The following MED23 variants were observed in gnomAD, a reference collection of about 807,000 sequenced individuals.
The protein encoded by MED23 is mediator complex subunit 23.
A neutral mutation model predicts 163.9 loss-of-function variants in MED23; 105 were observed. That is an observed-to-expected ratio of 0.64 (90% CI 0.55 to 0.75). The LOEUF (loss-of-function observed/expected upper bound fraction) is 0.75, where lower values mean the gene tolerates loss of function less well. MED23 is among the 30% of genes least tolerant of loss of function. The pLI, the probability that MED23 is intolerant of heterozygous loss-of-function variation, is 0.00. For synonymous variants in MED23, 561 were observed against 565.6 expected (o/e 0.99, Z 0.12); for missense variants, 1,054 against 1,649.0 (o/e 0.64, Z 6.25).
chr6:131,585,242 G>T (rs79926878), downstream of MED23, among the ~76,000 whole-genome samples: 1,155 of 152,136 alleles, frequency 7.6e-3, 14 homozygotes, highest in African/African-American at 0.026. Context: ...CAGAGTAAAC[G>T]GTAATCAAAA....
At chr6:131,578,987 T>C in intron 30 of MED23, 1 of 1,131,924 alleles carries the variant, frequency 8.8e-7, no homozygotes, top group Non-Finnish European at 1.2e-6. Context: ...TTTACAGACC[T>C]TTCAGGTTTT....
chr6:131,606,932 T>A (rs1365337131), intron 12 of MED23, among the ~76,000 whole-genome samples: 2 of 152,060 alleles, frequency 1.3e-5, no homozygotes, highest in Non-Finnish European at 2.9e-5. Flanking sequence ...TTTTTACTTT[T>A]AAAAAATTAA....
At chr6:131,574,566 G>A (rs1001842006) in intron 30 of MED23, among the ~76,000 whole-genome samples, 1 of 152,212 alleles carries the variant, frequency 6.6e-6, no homozygotes, top group South Asian at 2.1e-4. Context: ...ATGGTCATGA[G>A]AATGGAGTTC....
At chr6:131,578,951 G>A (rs1039301718) in intron 30 of MED23, 2 of 751,350 alleles carry the variant, frequency 2.7e-6, no homozygotes, top group African/African-American at 3.5e-5. Flanking sequence ...TCAAGCAAAA[G>A]CAGACATGGG....
chr6:131,611,909 A>AT (rs1394213111), intron 10 of MED23, among the ~76,000 whole-genome samples: 6 of 152,152 alleles, frequency 3.9e-5, no homozygotes, highest in Admixed American at 2.6e-4. Context: ...TTTTAGTATT[A>AT]GCTATTTAAG....
chr6:131,619,294 T>G (rs1474805203), intron 8 of MED23, among the ~76,000 whole-genome samples: 8 of 152,206 alleles, frequency 5.3e-5, no homozygotes, highest in Admixed American at 4.6e-4. Flanking sequence ...TGGTCTATAT[T>G]TCCACACAGT....
intron 28 of MED23, among the ~76,000 whole-genome samples, 170 bp from the exon 29 acceptor site, chr6:131,588,016 C>A (rs1164151789): frequency 6.6e-6 from 1 of 152,124 alleles, no homozygotes; most frequent in South Asian, 2.1e-4. Context: ...ACAATGATTT[C>A]TTTCTTGCAT....
chr6:131,582,389 C>A (rs994499212), downstream of MED23, among the ~76,000 whole-genome samples: 1 of 151,990 alleles, frequency 6.6e-6, no homozygotes, highest in African/African-American at 2.4e-5. Flanking sequence ...AAAGAAGGGC[C>A]CAGCAGGACT....
At position 131,628,120 on chromosome 6, in the gene MED23, G is replaced by A; in HGVS notation, c.-71C>T. 6.4e-7 allele frequency: 1 copy of A among 1,557,196 alleles called. No homozygotes were observed. The highest frequency in any genetic ancestry group is 8.8e-7 in the Non-Finnish European group (1 of 1,131,218). ...ATCAGACTCGAGCTCTGGGAATATA[G>A]GGGCAGAGGGGCGGAGACCTCTGGA... On this transcript the variant is annotated 5_prime_UTR_variant, in exon 1 of 29. Coordinates refer to ENST00000368068, the MANE Select transcript of MED23 (RefSeq NM_004830.4).
downstream of MED23, chr6:131,584,044 A>G (rs1774078853): frequency 1.0e-6 from 1 of 972,042 alleles, no homozygotes; most frequent in Admixed American, 3.0e-5. Context: ...AAACTCTACA[A>G]ATTCCCTCTT....
At chr6:131,616,525 T>C (rs1442821856) in intron 9 of MED23, among the ~76,000 whole-genome samples, 3 of 152,140 alleles carry the variant, frequency 2.0e-5, no homozygotes, top group African/African-American at 7.2e-5. Context: ...CAGTTTATAA[T>C]AAATAGTACT....
chr6:131,596,521 G>C lies in MED23; in HGVS notation c.2775C>G (p.His925Gln), dbSNP rs765529782. The change falls in exon 21 of 29, where the codon CAC becomes CAG. Residue 925 changes from histidine (H) to glutamine (Q), a missense_variant. By Grantham distance (24) the His-to-Gln change is conservative. This residue lies in a region of MED23 where 228 missense variants were observed against 461.3 expected (regional missense o/e 0.49). Coordinates refer to ENST00000368068, the MANE Select transcript of MED23 (RefSeq NM_004830.4). ...AAATACCAATTAGGACTAGTACCTT[G>C]TGATAATTCATGTGCTTGGTGTGCC... Reference protein sequence around the residue: ...NDWHTKHMNYHKKYPEKLYFE... With the variant: ...NDWHTKHMNYQKKYPEKLYFE... The C allele has an allele frequency of 3.1e-6, 5 of 1,614,088 alleles. No homozygotes were observed. In the South Asian group the frequency reaches 5.5e-5, roughly 18 times the overall value.
chr6:131,589,653 A>G (rs1585448935), intron 27 of MED23, 57 bp from the exon 28 acceptor site: 1 of 1,558,518 alleles, frequency 6.4e-7, no homozygotes, highest in East Asian at 2.3e-5. Context: ...GTAATTCAGC[A>G]TGATGCAGCT....
intron 13 of MED23, 107 bp downstream of exon 13, chr6:131,606,372 G>A (rs1775856342): frequency 8.9e-7 from 1 of 1,124,984 alleles, no homozygotes; most frequent in Non-Finnish European, 1.3e-6. Flanking sequence ...ACCTATAGTG[G>A]GTATGCGGAG....
At chr6:131,575,753 C>A (rs1773582629) in intron 30 of MED23, among the ~76,000 whole-genome samples, 1 of 152,176 alleles carries the variant, frequency 6.6e-6, no homozygotes, top group Non-Finnish European at 1.5e-5. Flanking sequence ...GCCTTTAGAC[C>A]TCTAATTGTT....
intron 10 of MED23, among the ~76,000 whole-genome samples, chr6:131,614,517 T>A (rs1776520440): frequency 6.6e-6 from 1 of 152,194 alleles, no homozygotes; most frequent in African/African-American, 2.4e-5. Context: ...GTTTAAAATA[T>A]CAAAGGTGAA....
chr6:131,626,014 C>T lies in MED23; in HGVS notation c.160-1025G>A, dbSNP rs530652366. ...GCAGGTGCCTGTAGTCCCAGCTACTCGGGAGGCTGAGGCAGGAGAACGGCG... is the reference window on the plus strand; with the variant it reads ...GCAGGTGCCTGTAGTCCCAGCTACTTGGGAGGCTGAGGCAGGAGAACGGCG... On this transcript the variant is annotated intron_variant, in intron 3 of 28. Transcript: ENST00000368068. Among the ~76,000 whole-genome samples, 354 of 148,720 alleles carry T rather than the reference C, an allele frequency of 2.4e-3. 1 individual carries two copies. Among genetic ancestry groups the T allele is most frequent in the African/African-American group, 8.0e-3 (322 of 40,200 alleles).
intron 5 of MED23, 68 bp from the exon 6 acceptor site, chr6:131,622,047 G>C: frequency 4.4e-6 from 5 of 1,132,558 alleles, no homozygotes; most frequent in Non-Finnish European, 6.7e-6. Flanking sequence ...AACGTCCGAA[G>C]GTTTCAGGGT....
At position 131,596,605 on chromosome 6, in the gene MED23, T is replaced by C; in HGVS notation, c.2691A>G (p.Arg897=). 6.2e-7 allele frequency: 1 copy of C among 1,614,194 alleles called. No individual in the cohort carries two copies. Among genetic ancestry groups the C allele is most frequent in the Non-Finnish European group, 8.5e-7 (1 of 1,180,020 alleles). ...QLLLLKPNDF[R]NRVSDFVKEN... ...CCTTCACAAAGTCACTTACTCGATT[T>C]CTAAAATCGTTTGGTTTGAGTAACA... Residue 897 remains arginine (R), a synonymous_variant, in exon 21 of 29, where the codon AGA becomes AGG. Transcript: ENST00000368068.
Sources: allele counts gnomAD v4.1 joint callset (sites outside exome capture counted in the v4.1 genomes callset), GRCh38; gene constraint gnomAD v4.1.1; regional missense constraint gnomAD v4.1.1; transcripts MANE v1.5; gene names NCBI Gene and HGNC (gene_info 2026-07-23, HGNC 2026-07-21).